Variants in XPO7 observed in about 807,000 individuals in gnomAD.
XPO7 encodes exportin-7.
Under a neutral mutation model 144.3 loss-of-function variants are expected in XPO7, and 21 were observed. The ratio of observed to expected loss-of-function variants is 0.15; its 90% CI spans 0.10 to 0.21. The LOEUF (loss-of-function observed/expected upper bound fraction) is 0.21. Ranked by LOEUF, XPO7 falls within the 10% of genes least tolerant of loss-of-function variation. The probability of loss-of-function intolerance (pLI) is 1.00; values close to 1 mark genes in which losing one functional copy is unlikely to be tolerated. For missense variants in XPO7, 808 were observed against 1,325.8 expected (o/e 0.61, Z 6.06); for synonymous variants, 580 against 499.6 (o/e 1.16, Z -2.15).
intron 1 of XPO7, among the ~76,000 whole-genome samples, chr8:21,928,753 A>G (rs1033593343): frequency 1.3e-5 from 2 of 152,236 alleles, no homozygotes; most frequent in Non-Finnish European, 2.9e-5. Context: ...TACATTTTAA[A>G]TGGTTGAAAA....
chr8:21,932,602 GAT>G (rs1043168294), intron 1 of XPO7, among the ~76,000 whole-genome samples: 2 of 152,244 alleles, frequency 1.3e-5, no homozygotes, highest in Non-Finnish European at 2.9e-5. Flanking sequence ...TGCGAAAAGG[GAT>G]AAGGAGGGCC....
intron 6 of XPO7, among the ~76,000 whole-genome samples, chr8:21,975,452 G>A (rs1585458418): frequency 6.6e-6 from 1 of 152,172 alleles, no homozygotes; most frequent in South Asian, 2.1e-4. Flanking sequence ...AACACAGCTC[G>A]GATGCTTTAT....
intron 1 of XPO7, among the ~76,000 whole-genome samples, chr8:21,944,729 G>A (rs140545504): frequency 5.5e-4 from 84 of 152,184 alleles, no homozygotes; most frequent in African/African-American, 1.6e-3. Flanking sequence ...AAAGGTCTCC[G>A]GTTTTCCTAG....
chr8:21,920,690 C>T (rs1431268575), intron 1 of XPO7, among the ~76,000 whole-genome samples: 3 of 152,182 alleles, frequency 2.0e-5, no homozygotes, highest in African/African-American at 7.2e-5. Context: ...TTCTTGCAAA[C>T]TAGATAAAGT....
At chr8:21,951,549 A>C (rs1811374528) in intron 1 of XPO7, among the ~76,000 whole-genome samples, 1 of 152,230 alleles carries the variant, frequency 6.6e-6, no homozygotes, top group African/African-American at 2.4e-5. Flanking sequence ...CTTCAGAGTC[A>C]CATAAATAGT....
rs1425882124 is a variant in XPO7, at chr8:22,006,228, T to C, written c.*1140T>C. The stretch of plus-strand genomic sequence containing the variant: ...ACATTCTCCCATCCCTTAAAAAATA[T>C]ACATTTTTATAAAATGAAAACCATA... On this transcript the variant is annotated 3_prime_UTR_variant, in exon 28 of 28. Coordinates refer to ENST00000252512, the MANE Select transcript of XPO7 (RefSeq NM_015024.5). The C allele has an allele frequency of 2.0e-5, 3 of 152,154 alleles. No individual in the cohort carries two copies. The highest frequency in any genetic ancestry group is 6.5e-5 in the Admixed American group (1 of 15,270). 9.4% of individuals were successfully genotyped at this position (152,154 alleles called of 1,614,324 possible).
intron 1 of XPO7, among the ~76,000 whole-genome samples, chr8:21,936,135 C>T (rs1810814827): frequency 6.6e-6 from 1 of 152,100 alleles, no homozygotes; most frequent in African/African-American, 2.4e-5. Flanking sequence ...GTCTGCTAAC[C>T]CTACCTCTGC....
At chr8:22,001,712 T>A (rs1813154556) in intron 24 of XPO7, among the ~76,000 whole-genome samples, 1 of 152,226 alleles carries the variant, frequency 6.6e-6, no homozygotes, top group Admixed American at 6.5e-5. Context: ...CCTCTCCTAA[T>A]TCTGGTTTCC....
Position 21,985,707 on chromosome 8 carries a change from A to G in XPO7, c.1577+16A>G. On this transcript the variant is annotated intron_variant, in intron 13 of 27. Transcript: ENST00000252512. ...TTGTCTGTCGGTAAGTGCTCCCCAC[A>G]GAAGCTCTCCACTCTGCCTTGCTGG... 1 of 1,610,266 alleles carries G rather than the reference A, an allele frequency of 6.2e-7. No individual in the cohort carries two copies. Among genetic ancestry groups the G allele is most frequent in the Middle Eastern group, 1.9e-4 (1 of 5,176 alleles).
intron 1 of XPO7, among the ~76,000 whole-genome samples, chr8:21,957,403 T>G (rs562174376): frequency 6.6e-6 from 1 of 152,334 alleles, no homozygotes; most frequent in Admixed American, 6.5e-5. Context: ...TCTGAGCATG[T>G]AGCATAAATG....
In XPO7 at chr8:22,006,279, A is replaced by T. The variant is rs943227373; in HGVS notation, c.*1191A>T. Reference sequence around the variant, plus strand: ...ATAAATGTTTTGAATATTAAAAAAAATAATAACCTACAGAGGAAAATTAAT... The same window carrying T: ...ATAAATGTTTTGAATATTAAAAAAATTAATAACCTACAGAGGAAAATTAAT... On this transcript the variant is annotated 3_prime_UTR_variant, in exon 28 of 28. Coordinates refer to ENST00000252512, the MANE Select transcript of XPO7 (RefSeq NM_015024.5). The T allele has an allele frequency of 3.3e-5, 5 of 152,236 alleles. No homozygotes were observed. The highest frequency in any genetic ancestry group is 1.2e-4 in the African/African-American group (5 of 41,464). The allele number at this position is 152,236 out of a possible 1,614,324, so 9.4% of individuals were successfully genotyped here. A position where few individuals can be genotyped will look rare whatever the true frequency, so the allele number is the denominator to read the frequency against.
chr8:21,933,576 CAG>C (rs763280720), intron 1 of XPO7, among the ~76,000 whole-genome samples: 6 of 152,166 alleles, frequency 3.9e-5, no homozygotes, highest in Non-Finnish European at 7.3e-5. Context: ...TGTTTTTAAA[CAG>C]AGACAGCATG....
chr8:21,999,213 G>A lies in XPO7; in HGVS notation c.2551G>A (p.Gly851Arg). 1 of 1,613,882 alleles carries A rather than the reference G, an allele frequency of 6.2e-7. No individual in the cohort carries two copies. The highest frequency in any genetic ancestry group is 8.5e-7 in the Non-Finnish European group (1 of 1,179,882). ...AALSGSYVNF[G>R]VFRLYGDDAL... ...TCTCAGTGGGAGTTACGTCAATTTC[G>A]GAGTCTTTCGTCTCTATGGAGACGA... The change falls in exon 23 of 28, where the codon GGA becomes AGA. Residue 851 changes from glycine (G) to arginine (R), a missense_variant. By Grantham distance (125) the Gly-to-Arg change is moderately radical (BLOSUM62 -2). Transcript: ENST00000252512.
chr8:21,997,844 T>TG (rs759171457), intron 21 of XPO7, among the ~76,000 whole-genome samples: 11 of 151,700 alleles, frequency 7.3e-5, no homozygotes, highest in Non-Finnish European at 1.2e-4. Flanking sequence ...TTCAGTGTGG[T>TG]GGGGGGGAGG....
intron 12 of XPO7, among the ~76,000 whole-genome samples, chr8:21,985,299 C>G (rs1040833998): frequency 6.6e-6 from 1 of 152,164 alleles, no homozygotes; most frequent in Non-Finnish European, 1.5e-5. Context: ...TTTTACCGGG[C>G]CTGGCTGGTG....
chr8:22,001,905 G>A (rs530759007), intron 24 of XPO7, among the ~76,000 whole-genome samples: 1 of 152,336 alleles, frequency 6.6e-6, no homozygotes, highest in East Asian at 1.9e-4. Flanking sequence ...GATAATTTCA[G>A]TATTCTTTAT....
At chr8:21,997,848 G>T (rs562636875) in intron 21 of XPO7, among the ~76,000 whole-genome samples, 11 of 152,264 alleles carry the variant, frequency 7.2e-5, no homozygotes, top group Non-Finnish European at 1.3e-4. Flanking sequence ...GTGTGGTGGG[G>T]GGGAGGAAGG....
chr8:21,972,528 A>G (rs533514687), intron 5 of XPO7, among the ~76,000 whole-genome samples: 1 of 152,206 alleles, frequency 6.6e-6, no homozygotes, highest in Non-Finnish European at 1.5e-5. Context: ...TGACTTCAAA[A>G]AAGAGACCAT....
At chr8:21,936,877 G>T (rs1056934474) in intron 1 of XPO7, among the ~76,000 whole-genome samples, 4 of 151,968 alleles carry the variant, frequency 2.6e-5, no homozygotes, top group Non-Finnish European at 5.9e-5. Flanking sequence ...CTTCATATAG[G>T]GTGGTTTTGC....
Sources: gnomAD v4.1 joint callset for allele counts (sites outside exome capture counted in the v4.1 genomes callset) on GRCh38, gnomAD v4.1.1 for gene constraint, MANE v1.5 for transcripts, NCBI Gene and HGNC (gene_info 2026-07-23, HGNC 2026-07-21) for gene names.